The following RAB21 variants were observed in gnomAD, a reference collection of about 807,000 sequenced individuals.
RAB21 encodes RAB21, member RAS oncogene family.
In RAB21, 13 loss-of-function variants were observed where a neutral mutation model predicts 33.1. The ratio of observed to expected loss-of-function variants is 0.39; its 90% confidence interval spans 0.26 to 0.62. RAB21 has a LOEUF of 0.62. Among genes scored for constraint, RAB21 ranks in the 20% least tolerant of loss-of-function variants. The probability of loss-of-function intolerance (pLI) is 0.48; values close to 1 mark genes in which losing one functional copy is unlikely to be tolerated. For missense variants in RAB21, 234 were observed against 279.1 expected (o/e 0.84, Z 1.15); for synonymous variants, 91 against 103.7 (o/e 0.88, Z 0.74).
At chr12:71,765,343 C>G (rs1336065315) in intron 1 of RAB21, among the ~76,000 whole-genome samples, 1 of 152,020 alleles carries the variant, frequency 6.6e-6, no homozygotes, top group Non-Finnish European at 1.5e-5. Context: ...CTTGTAGATT[C>G]TGGATATTAG....
At position 71,787,541 on chromosome 12, in the gene RAB21, A is replaced by G. The variant is rs1883313282; in HGVS notation, c.*1868A>G. On this transcript the variant is annotated 3_prime_UTR_variant, in exon 7 of 7. Transcript: ENST00000261263. ...AAGAGATTATAGTTACAAAAGAAATACTGCCATATTTTTAAGTTAATAACT... is the reference window on the plus strand; with the variant it reads ...AAGAGATTATAGTTACAAAAGAAATGCTGCCATATTTTTAAGTTAATAACT... 6.6e-6 allele frequency: 1 copy of G among 152,220 alleles called. No individual in the cohort carries two copies. The highest frequency in any genetic ancestry group is 2.1e-4 in the South Asian group (1 of 4,832). 9.4% of individuals were successfully genotyped at this position (152,220 alleles called of 1,614,324 possible).
At chr12:71,774,061 G>A in intron 4 of RAB21, 39 bp downstream of exon 4, 1 of 1,395,706 alleles carries the variant, frequency 7.2e-7, no homozygotes, top group Non-Finnish European at 9.8e-7. Context: ...AAAGTCCTCT[G>A]TTTCCTTAAT....
rs574267542 is a variant in RAB21, at chr12:71,790,114, T to C, written c.*4441T>C. On this transcript the variant is annotated 3_prime_UTR_variant, in exon 7 of 7. Coordinates refer to ENST00000261263, the MANE Select transcript of RAB21 (RefSeq NM_014999.4). Reference sequence around the variant, plus strand: ...TGCAACATTTTCTCTTCAGTAGATATATGAGTAAACATGATGAGTTAATGT... The same window carrying C: ...TGCAACATTTTCTCTTCAGTAGATACATGAGTAAACATGATGAGTTAATGT... 3 of 152,332 alleles carry C rather than the reference T, an allele frequency of 2.0e-5. No individual in the cohort carries two copies. The highest frequency in any genetic ancestry group is 4.1e-4 in the South Asian group (2 of 4,832). The allele number at this position is 152,332 out of a possible 1,614,324, so 9.4% of individuals were successfully genotyped here.
chr12:71,765,733 A>G (rs1029879314), intron 1 of RAB21, among the ~76,000 whole-genome samples: 11 of 151,872 alleles, frequency 7.2e-5, no homozygotes, highest in Admixed American at 4.6e-4. Context: ...TTCTGTTTTT[A>G]TATGCTTTGT....
At chr12:71,773,412 G>A (rs187267426) in intron 3 of RAB21, among the ~76,000 whole-genome samples, 80 of 152,276 alleles carry the variant, frequency 5.3e-4, no homozygotes, top group African/African-American at 1.8e-3. Context: ...AGAATTATCT[G>A]TACTAAAATG....
At chr12:71,763,058 C>T (rs186553608) in intron 1 of RAB21, among the ~76,000 whole-genome samples, 80 of 150,596 alleles carry the variant, frequency 5.3e-4, no homozygotes, top group African/African-American at 1.8e-3. Context: ...AATACTTAAG[C>T]CTGCACCAGT....
At chr12:71,776,611 T>TG (rs1883123419) in intron 4 of RAB21, among the ~76,000 whole-genome samples, 1 of 151,962 alleles carries the variant, frequency 6.6e-6, no homozygotes, top group African/African-American at 2.4e-5. Context: ...CTTTCTTCTG[T>TG]TGACAAGTGT....
chr12:71,784,874 T>C (rs1883260010), intron 6 of RAB21, among the ~76,000 whole-genome samples: 1 of 152,064 alleles, frequency 6.6e-6, no homozygotes. Flanking sequence ...ATAGGATCAC[T>C]TGAGCCCAGG....
intron 6 of RAB21, among the ~76,000 whole-genome samples, chr12:71,784,362 T>C (rs79746732): frequency 0.022 from 3,389 of 152,320 alleles, 121 homozygotes; most frequent in East Asian, 0.13. Flanking sequence ...ACATGAGAAC[T>C]CTTTGTGTAA....
At chr12:71,774,193 T>G in intron 4 of RAB21, 171 bp downstream of exon 4, 2 of 378,078 alleles carry the variant, frequency 5.3e-6, no homozygotes, top group Admixed American at 1.0e-4. Flanking sequence ...ATGCCTGTAA[T>G]TCCAGCGCCT....
rs1326609798 is a variant in RAB21, at chr12:71,797,602, C to T, written c.*11929C>T. The T allele has an allele frequency of 2.9e-5, 4 of 139,216 alleles. No homozygotes were observed. The highest frequency in any genetic ancestry group is 2.3e-4 in the South Asian group (1 of 4,374). 8.6% of individuals were successfully genotyped at this position (139,216 alleles called of 1,614,324 possible). ...ATTAAAAAAAAAAAAAACTAGATCG[C>T]TGATTCCAAAGTTTCTTTGAGGAAA... On this transcript the variant is annotated 3_prime_UTR_variant, in exon 7 of 7. Transcript: ENST00000261263.
chr12:71,797,876 T>C lies in RAB21; in HGVS notation c.*12203T>C, dbSNP rs1228278687. 6.6e-6 allele frequency: 1 copy of C among 152,078 alleles called. No homozygotes were observed. Among genetic ancestry groups the C allele is most frequent in the Non-Finnish European group, 1.5e-5 (1 of 68,022 alleles). 9.4% of individuals were successfully genotyped at this position (152,078 alleles called of 1,614,324 possible). On this transcript the variant is annotated 3_prime_UTR_variant, in exon 7 of 7. Transcript: ENST00000261263. ...AAAGGTAGTAGGACACTTGGGTAGCTATAGAGAACAAAGCTGGATTCATAC... is the reference window on the plus strand; with the variant it reads ...AAAGGTAGTAGGACACTTGGGTAGCCATAGAGAACAAAGCTGGATTCATAC...
intron 4 of RAB21, among the ~76,000 whole-genome samples, chr12:71,778,743 AG>A (rs1163212227): frequency 6.6e-6 from 1 of 152,236 alleles, no homozygotes; most frequent in Non-Finnish European, 1.5e-5. Flanking sequence ...AGAGCACAAA[AG>A]CAAACAAACT....
At position 71,782,078 on chromosome 12, in the gene RAB21, G is replaced by A. The variant is rs1212961667; in HGVS notation, c.439G>A (p.Ala147Thr). 6.2e-7 allele frequency: 1 copy of A among 1,608,250 alleles called. No homozygotes were observed. The highest frequency in any genetic ancestry group is 8.5e-7 in the Non-Finnish European group (1 of 1,175,116). Reference sequence around the variant, plus strand: ...GGAGAGACATGTTTCCATTCAAGAAGCAGAGTCGTAAGTACTGTGACCCTC... The same window carrying A: ...GGAGAGACATGTTTCCATTCAAGAAACAGAGTCGTAAGTACTGTGACCCTC... ...EKERHVSIQE[A>T]ESYAESVGAK... is the part of the protein sequence containing the mutation. Residue 147 changes from alanine (A) to threonine (T), a missense_variant, in exon 5 of 7, where the codon GCA becomes ACA. Ala to Thr is a moderately conservative substitution (Grantham distance 58). Transcript: ENST00000261263.
intron 1 of RAB21, among the ~76,000 whole-genome samples, chr12:71,764,923 C>T (rs547382250): frequency 1.3e-5 from 2 of 152,264 alleles, no homozygotes; most frequent in East Asian, 3.9e-4. Flanking sequence ...AACATGTGTG[C>T]ATGTGTCTTT....
intron 1 of RAB21, among the ~76,000 whole-genome samples, chr12:71,769,449 T>G (rs80044115): frequency 0.038 from 5,817 of 152,260 alleles, 374 homozygotes; most frequent in African/African-American, 0.13. Flanking sequence ...TAAACATTTA[T>G]TTTATCTTAG....
intron 1 of RAB21, among the ~76,000 whole-genome samples, chr12:71,767,045 TA>T (rs1208107007): frequency 6.6e-6 from 1 of 152,204 alleles, no homozygotes; most frequent in African/African-American, 2.4e-5. Flanking sequence ...AAACATTTAA[TA>T]AATGTTAGCT....
At chr12:71,782,456 T>C in intron 5 of RAB21, 114 bp from the exon 6 acceptor site, 1 of 644,818 alleles carries the variant, frequency 1.6e-6, no homozygotes, top group East Asian at 2.9e-5. Context: ...TAAACTTAAT[T>C]TCACTAAACT....
chr12:71,781,971 C>G, intron 4 of RAB21, 60 bp from the exon 5 acceptor site: 1 of 1,332,704 alleles, frequency 7.5e-7, no homozygotes, highest in Non-Finnish European at 1.0e-6. Flanking sequence ...TTAGAATTGG[C>G]TTAATTTTGT....
Sources: allele counts gnomAD v4.1 joint callset (sites outside exome capture counted in the v4.1 genomes callset), GRCh38; gene constraint gnomAD v4.1.1; transcripts MANE v1.5; gene names NCBI Gene and HGNC (gene_info 2026-07-23, HGNC 2026-07-21).